MCUB: variants seen among roughly 807,000 people sequenced by gnomAD.
MCUB encodes mitochondrial calcium uniporter dominant negative subunit beta.
MCUB carries 46 observed loss-of-function variants against 41.4 expected under a neutral mutation model. That is an observed-to-expected ratio of 1.11 (90% confidence interval 0.88 to 1.42). The LOEUF (loss-of-function observed/expected upper bound fraction) is 1.42, where lower values mean the gene tolerates loss of function less well. Ranked by LOEUF, MCUB falls within the 40% of genes most tolerant of loss-of-function variation. The pLI is 0.00. For missense variants in MCUB, 403 were observed against 404.9 expected (o/e 1.00, Z 0.04); for synonymous variants, 148 against 148.2 (o/e 1.00, Z 0.01).
intron 1 of MCUB, among the ~76,000 whole-genome samples, chr4:109,642,792 A>G (rs1487127716): frequency 1.3e-5 from 2 of 151,958 alleles, no homozygotes; most frequent in Non-Finnish European, 2.9e-5. Context: ...TGAAGACTGA[A>G]ATTTTTTTTT....
At chr4:109,685,025 G>T in intron 6 of MCUB, 1 of 412,370 alleles carries the variant, frequency 2.4e-6, no homozygotes. Flanking sequence ...TTCCCATTAT[G>T]TGTAATTTCT....
intron 1 of MCUB, among the ~76,000 whole-genome samples, chr4:109,585,266 C>G (rs1561217260): frequency 6.6e-6 from 1 of 152,130 alleles, no homozygotes; most frequent in Non-Finnish European, 1.5e-5. Flanking sequence ...ACTAGGATTG[C>G]AACCCCTACT....
At chr4:109,630,454 C>A (rs1297306643) in intron 1 of MCUB, among the ~76,000 whole-genome samples, 1 of 151,726 alleles carries the variant, frequency 6.6e-6, no homozygotes, top group African/African-American at 2.4e-5. Context: ...ACAGTGAGAC[C>A]CCATCTCTAA....
intron 1 of MCUB, among the ~76,000 whole-genome samples, chr4:109,589,750 A>G (rs1727387000): frequency 6.6e-6 from 1 of 152,158 alleles, no homozygotes; most frequent in Non-Finnish European, 1.5e-5. Context: ...GAGGGATTAC[A>G]TCCTGTTTAC....
chr4:109,562,751 G>A (rs938128347), intron 1 of MCUB, among the ~76,000 whole-genome samples: 1 of 152,136 alleles, frequency 6.6e-6, no homozygotes, highest in Non-Finnish European at 1.5e-5. Context: ...ACTATAATTG[G>A]TCTTTCTGAA....
rs115541805 is a variant in MCUB, at chr4:109,579,598, G to A, written c.99+19162G>A. 5.4e-3 allele frequency among the ~76,000 whole-genome samples: 820 copies of A among 152,242 alleles called. 5 individuals are homozygous for A. Among genetic ancestry groups the A allele is most frequent in the African/African-American group, 0.018 (762 of 41,546 alleles). On this transcript the variant is annotated intron_variant, in intron 1 of 7. Transcript: ENST00000394650. ...TAATCTAGGGTGCTACATGTAAGAC[G>A]TGGCATTTGCATTGTGGATAGGTAA...
At chr4:109,600,001 G>A (rs1422129039) in intron 1 of MCUB, among the ~76,000 whole-genome samples, 1 of 152,184 alleles carries the variant, frequency 6.6e-6, no homozygotes, top group East Asian at 1.9e-4. Context: ...GTTGTATGTT[G>A]TACGCAAGAT....
intron 1 of MCUB, among the ~76,000 whole-genome samples, chr4:109,618,711 C>T (rs1373940409): frequency 2.0e-5 from 3 of 152,136 alleles, no homozygotes; most frequent in African/African-American, 7.2e-5. Context: ...AATAAAATAT[C>T]ATATGACCTA....
chr4:109,617,348 T>G (rs1169848730), intron 1 of MCUB, among the ~76,000 whole-genome samples: 1 of 152,208 alleles, frequency 6.6e-6, no homozygotes, highest in Non-Finnish European at 1.5e-5. Flanking sequence ...ATACTACACG[T>G]TTTTAGCACC....
intron 1 of MCUB, among the ~76,000 whole-genome samples, chr4:109,615,858 G>C (rs1017105356): frequency 6.6e-6 from 1 of 152,126 alleles, no homozygotes; most frequent in Non-Finnish European, 1.5e-5. Context: ...ATCTGAGAAG[G>C]GTCACTATAT....
chr4:109,620,590 T>G (rs1186625459), intron 1 of MCUB, among the ~76,000 whole-genome samples: 1 of 151,510 alleles, frequency 6.6e-6, no homozygotes, highest in African/African-American at 2.4e-5. Flanking sequence ...CTCATGAATG[T>G]ATAAATTAGC....
intron 1 of MCUB, among the ~76,000 whole-genome samples, chr4:109,582,566 A>C (rs1275085395): frequency 4.0e-4 from 56 of 138,330 alleles, no homozygotes; most frequent in African/African-American, 1.6e-3. Context: ...TTAACAAAAA[A>C]AAAAAAAAAA....
rs761236075 is a variant in MCUB at position 109,685,244 on chromosome 4, T to TC, written c.817-7_817-6insC. ...GTTGTTTTCTTCTCTCTCTCTTTTT[T>TC]TTTAAGGATTATACTTACTCAGCTG... On this transcript the variant is annotated splice_polypyrimidine_tract_variant and splice_region_variant and intron_variant, in intron 6 of 7. Transcript: ENST00000394650. 1 of 1,166,962 alleles carries TC rather than the reference T, an allele frequency of 8.6e-7. No homozygotes were observed. The highest frequency in any genetic ancestry group is 1.3e-5 in the South Asian group (1 of 78,766). The allele number at this position is 1,166,962 out of a possible 1,614,324, so 72.3% of individuals were successfully genotyped here. A position where few individuals can be genotyped will look rare whatever the true frequency, so the allele number is the denominator to read the frequency against.
chr4:109,632,672 A>G (rs892904639), intron 1 of MCUB, among the ~76,000 whole-genome samples: 10 of 143,388 alleles, frequency 7.0e-5, no homozygotes, highest in African/African-American at 2.4e-4. Flanking sequence ...CTGGAGTGCA[A>G]TGGCGCGATC....
intron 4 of MCUB, among the ~76,000 whole-genome samples, chr4:109,678,114 CAGAG>C: frequency 1.3e-5 from 2 of 152,070 alleles, no homozygotes; most frequent in Non-Finnish European, 2.9e-5. Context: ...GCACATGTTT[CAGAG>C]AGCACGGGGT....
chr4:109,655,952 G>A (rs1729086958), intron 1 of MCUB, among the ~76,000 whole-genome samples: 1 of 152,134 alleles, frequency 6.6e-6, no homozygotes, highest in South Asian at 2.1e-4. Context: ...GTGATTATTA[G>A]GCAAGCAAAA....
At chr4:109,614,776 A>G (rs934869581) in intron 1 of MCUB, among the ~76,000 whole-genome samples, 1 of 151,962 alleles carries the variant, frequency 6.6e-6, no homozygotes, top group Non-Finnish European at 1.5e-5. Flanking sequence ...CAGACCAGAC[A>G]TGAAGAAAAC....
At chr4:109,652,857 C>T (rs535246160) in intron 1 of MCUB, among the ~76,000 whole-genome samples, 6 of 152,126 alleles carry the variant, frequency 3.9e-5, no homozygotes, top group East Asian at 1.9e-4. Flanking sequence ...ATTTATTTAA[C>T]GTGTATTTAC....
intron 1 of MCUB, among the ~76,000 whole-genome samples, chr4:109,655,886 T>C (rs1729084450): frequency 1.3e-5 from 2 of 152,104 alleles, no homozygotes; most frequent in Admixed American, 1.3e-4. Flanking sequence ...ACTGACCTTT[T>C]AGATTAAAAA....
Sources: gnomAD v4.1 joint callset for allele counts (sites outside exome capture counted in the v4.1 genomes callset) on GRCh38, gnomAD v4.1.1 for gene constraint, MANE v1.5 for transcripts, NCBI Gene and HGNC (gene_info 2026-07-23, HGNC 2026-07-21) for gene names.